The following GPR137B variants were observed in gnomAD, a reference collection of about 807,000 sequenced individuals.
The protein encoded by GPR137B is integral membrane protein GPR137B.
In GPR137B, 42 loss-of-function variants were observed where a neutral mutation model predicts 42.5. The observed-to-expected ratio is 0.99, with a 90% CI of 0.77 to 1.28. The LOEUF (loss-of-function observed/expected upper bound fraction) is 1.28, where lower values mean the gene tolerates loss of function less well. GPR137B is among the 50% of genes most tolerant of loss of function. The pLI is 0.00. For synonymous variants in GPR137B, 218 were observed against 209.7 expected, an observed-to-expected ratio of 1.04 and a Z score of -0.34; for missense variants, 487 against 493.9, an observed-to-expected ratio of 0.99 and a Z score of 0.13.
At position 236,155,974 on chromosome 1, in the gene GPR137B, C is replaced by T. The variant is rs1015319989; in HGVS notation, c.415-12732C>T. ...ACATACACAAACGCACACACATGCACACACACGCGCGCGCGCAAACACACA... is the reference window on the plus strand; with the variant it reads ...ACATACACAAACGCACACACATGCATACACACGCGCGCGCGCAAACACACA... On this transcript the variant is annotated intron_variant, in intron 1 of 6. Coordinates refer to ENST00000366592, the MANE Select transcript of GPR137B (RefSeq NM_003272.4). This position sits in a 1 kb window ranked among gnomAD's most constrained non-coding sequence, Gnocchi z 4.6. Among the ~76,000 whole-genome samples, 2 of 152,160 alleles carry T rather than the reference C, an allele frequency of 1.3e-5. No homozygotes were observed. The highest frequency in any genetic ancestry group is 2.9e-5 in the Non-Finnish European group (2 of 68,024).
chr1:236,189,855 C>T (rs1663137293), intron 5 of GPR137B, among the ~76,000 whole-genome samples: 1 of 152,082 alleles, frequency 6.6e-6, no homozygotes, highest in Non-Finnish European at 1.5e-5. Flanking sequence ...GAGTTCAAGT[C>T]CCTGAATATC....
At chr1:236,161,578 C>A (rs1021052330) in intron 1 of GPR137B, among the ~76,000 whole-genome samples, 2 of 152,288 alleles carry the variant, frequency 1.3e-5, no homozygotes, top group South Asian at 4.2e-4. Flanking sequence ...GCTGCATCCC[C>A]ATGCAAATCT....
intron 1 of GPR137B, among the ~76,000 whole-genome samples, chr1:236,152,062 C>T (rs1661883458): frequency 6.6e-6 from 1 of 152,168 alleles, no homozygotes; most frequent in East Asian, 1.9e-4. Flanking sequence ...CACATCTATC[C>T]ATGCGAGAGG....
At chr1:236,193,388 C>G (rs1663250111) in intron 5 of GPR137B, among the ~76,000 whole-genome samples, 1 of 152,040 alleles carries the variant, frequency 6.6e-6, no homozygotes, top group Non-Finnish European at 1.5e-5. Context: ...CGGGTATATT[C>G]TTAGGAGTGG....
intron 5 of GPR137B, among the ~76,000 whole-genome samples, chr1:236,201,869 T>C (rs1378083084): frequency 3.3e-5 from 5 of 152,042 alleles, no homozygotes; most frequent in African/African-American, 1.2e-4. Context: ...TTCCTTCTCA[T>C]GTGGGTAGAC....
At position 236,178,785 on chromosome 1, in the gene GPR137B, GTTTTTTTTTTTTTTTT is replaced by G. The variant is rs3082534; in HGVS notation, c.687+164_687+179del. 84 of 49,498 alleles carry G rather than the reference GTTTTTTTTTTTTTTTT, an allele frequency of 1.7e-3. 2 individuals are homozygous for G. Among genetic ancestry groups the G allele is most frequent in the Middle Eastern group, 0.014 (1 of 70 alleles). 3.1% of individuals were successfully genotyped at this position (49,498 alleles called of 1,614,324 possible). A position where few individuals can be genotyped will look rare whatever the true frequency, so the allele number is the denominator to read the frequency against. ...GTCTCCCACACAGGGGCTACTCGAGGTTTTTTTTTTTTTTTTTTTTTTTTTTTTTTGAGACGGAGTC... is the reference window on the plus strand; with the variant it reads ...GTCTCCCACACAGGGGCTACTCGAGGTTTTTTTTTTTTTTGAGACGGAGTC... On this transcript the variant is annotated intron_variant, in intron 3 of 6. Coordinates refer to ENST00000366592, the MANE Select transcript of GPR137B (RefSeq NM_003272.4).
intron 1 of GPR137B, among the ~76,000 whole-genome samples, chr1:236,159,193 G>A (rs944543702): frequency 9.2e-5 from 14 of 152,020 alleles, no homozygotes; most frequent in African/African-American, 3.1e-4. Flanking sequence ...CCTGTACATA[G>A]TCTCAGCTAC....
chr1:236,148,886 C>T (rs73121053), intron 1 of GPR137B, among the ~76,000 whole-genome samples: 1,620 of 152,280 alleles, frequency 0.011, 34 homozygotes, highest in African/African-American at 0.036. Flanking sequence ...CCAATCCGGG[C>T]TTTGCCTCCA....
chr1:236,155,117 G>T lies in GPR137B; in HGVS notation c.414+12081G>T, dbSNP rs1442769872. On this transcript the variant is annotated intron_variant, in intron 1 of 6. Coordinates refer to ENST00000366592, the MANE Select transcript of GPR137B (RefSeq NM_003272.4). The surrounding 1 kb of genome is among the most constrained non-coding windows in gnomAD (Gnocchi z 4.6). Reference sequence around the variant, plus strand: ...AATTATTTGCCTCCACCTCTGTGCGGAACTGATGCCGAGACGGACTCCACC... The same window carrying T: ...AATTATTTGCCTCCACCTCTGTGCGTAACTGATGCCGAGACGGACTCCACC... 1.3e-5 allele frequency among the ~76,000 whole-genome samples: 2 copies of T among 152,324 alleles called. No individual in the cohort carries two copies. Among genetic ancestry groups the T allele is most frequent in the Non-Finnish European group, 2.9e-5 (2 of 68,036 alleles).
intron 1 of GPR137B, among the ~76,000 whole-genome samples, chr1:236,148,412 G>A (rs1473783537): frequency 6.6e-6 from 1 of 152,164 alleles, no homozygotes; most frequent in East Asian, 1.9e-4. Flanking sequence ...CCAGATTCCC[G>A]AGTTTGGCAG....
intron 2 of GPR137B, among the ~76,000 whole-genome samples, chr1:236,172,741 G>T (rs1308900687): frequency 6.6e-6 from 1 of 150,824 alleles, no homozygotes; most frequent in Non-Finnish European, 1.5e-5. Context: ...TGCAGTGGCG[G>T]TGGTGCAATC....
At chr1:236,198,913 G>A (rs975606671) in intron 5 of GPR137B, among the ~76,000 whole-genome samples, 1 of 152,114 alleles carries the variant, frequency 6.6e-6, no homozygotes, top group African/African-American at 2.4e-5. Context: ...GATTGCTCTG[G>A]CTAAGGACTT....
At chr1:236,143,153 A>G in intron 1 of GPR137B, 117 bp downstream of exon 1, 2 of 841,258 alleles carry the variant, frequency 2.4e-6, no homozygotes. Context: ...CTGAGAGTGT[A>G]GGGAGAAGGC....
intron 3 of GPR137B, 38 bp downstream of exon 3, chr1:236,178,674 G>A (rs777533559): frequency 4.6e-6 from 6 of 1,291,378 alleles, no homozygotes; most frequent in African/African-American, 1.5e-5. Flanking sequence ...CCCATGAAAC[G>A]TGTTCTAAAA....
intron 2 of GPR137B, among the ~76,000 whole-genome samples, chr1:236,169,677 G>T (rs1368240832): frequency 1.3e-5 from 2 of 152,042 alleles, no homozygotes; most frequent in Non-Finnish European, 2.9e-5. Flanking sequence ...CCTATGGAGG[G>T]GTTCGTAGCT....
intron 5 of GPR137B, among the ~76,000 whole-genome samples, chr1:236,193,360 A>T (rs544358256): frequency 1.3e-5 from 2 of 152,122 alleles, no homozygotes; most frequent in Non-Finnish European, 2.9e-5. Flanking sequence ...CTGTGTGAAC[A>T]TATGTTTTCA....
chr1:236,153,518 T>G (rs1237696156), intron 1 of GPR137B, among the ~76,000 whole-genome samples: 1 of 152,240 alleles, frequency 6.6e-6, no homozygotes, highest in East Asian at 1.9e-4. Flanking sequence ...ATTTATCCAT[T>G]CATCCGTTGA....
chr1:236,201,126 A>G (rs1029082851), intron 5 of GPR137B, among the ~76,000 whole-genome samples: 1 of 151,980 alleles, frequency 6.6e-6, no homozygotes, highest in Non-Finnish European at 1.5e-5. Flanking sequence ...TTGGCTGACA[A>G]TTATTTTGTT....
rs552237137 is a variant in GPR137B, at chr1:236,190,485, A to G, written c.966+6579A>G. ...TGGCTGGTACTGGTTGTTCCTTTCC[A>G]TATTTAGTGCTTCCTTCAGGAGGTC... On this transcript the variant is annotated intron_variant, in intron 5 of 6. Coordinates refer to ENST00000366592, the MANE Select transcript of GPR137B (RefSeq NM_003272.4). Among the ~76,000 whole-genome samples, 753 of 152,112 alleles carry G rather than the reference A, an allele frequency of 5.0e-3. 7 individuals carry two copies. The highest frequency in any genetic ancestry group is 0.017 in the African/African-American group (696 of 41,480).
Sources: allele counts gnomAD v4.1 joint callset (sites outside exome capture counted in the v4.1 genomes callset), GRCh38; gene constraint gnomAD v4.1.1; non-coding constraint Gnocchi (gnomAD v3.1); transcripts MANE v1.5; gene names NCBI Gene and HGNC (gene_info 2026-07-23, HGNC 2026-07-21).